Variants in ADAM9 observed in about 807,000 individuals in gnomAD.
ADAM9 encodes disintegrin and metalloproteinase domain-containing protein 9.
Under a neutral mutation model 108.1 loss-of-function variants are expected in ADAM9, and 54 were observed. The observed-to-expected ratio is 0.50, with a 90% CI of 0.40 to 0.63. The LOEUF (loss-of-function observed/expected upper bound fraction) is 0.63, where lower values mean the gene tolerates loss of function less well. ADAM9 is among the 20% of genes least tolerant of loss of function. The pLI, the probability that ADAM9 is intolerant of heterozygous loss-of-function variation, is 0.00. For synonymous variants in ADAM9, 316 were observed against 336.0 expected (o/e 0.94, Z 0.65); for missense variants, 830 against 997.7 (o/e 0.83, Z 2.26).
intron 12 of ADAM9, among the ~76,000 whole-genome samples, chr8:39,046,722 A>G (rs921976774): frequency 2.6e-5 from 4 of 151,628 alleles, no homozygotes; most frequent in African/African-American, 7.3e-5. Context: ...TGATCATGCT[A>G]TTTTTATCCT....
intron 15 of ADAM9, 122 bp from the exon 16 acceptor site, chr8:39,077,106 A>G (rs1838872426): frequency 1.8e-6 from 2 of 1,102,504 alleles, no homozygotes; most frequent in South Asian, 2.7e-5. Context: ...GCTCTCATAC[A>G]CTTTCTCTGT....
chr8:39,065,810 G>C (rs1183723050), intron 14 of ADAM9, among the ~76,000 whole-genome samples: 1 of 151,180 alleles, frequency 6.6e-6, no homozygotes, highest in Admixed American at 6.6e-5. Flanking sequence ...GTGCAGGTTT[G>C]TCACATATGT....
In ADAM9 at chr8:39,023,264, G is replaced by A. The variant is rs778356738; in HGVS notation, c.853G>A (p.Val285Met). Residue 285 changes from valine (V) to methionine (M), a missense_variant, in exon 9 of 22, where the codon GTG becomes ATG. By Grantham distance (21) the Val-to-Met change is conservative. Around this residue, in one of 3 missense-constraint regions of ADAM9, gnomAD observed 381 missense variants for 539.8 expected, o/e 0.71. Transcript: ENST00000487273. ...GGAGDVLGNF[V>M]QWREKFLITR... The stretch of plus-strand genomic sequence containing the variant: ...TGCTGGTGATGTGCTGGGGAACTTC[G>A]TGCAGTGGCGGGAAAAGTTTCTTAT... 10 of 1,613,486 alleles carry A rather than the reference G, an allele frequency of 6.2e-6. No individual in the cohort carries two copies. Among genetic ancestry groups the A allele is most frequent in the Admixed American group, 1.7e-5 (1 of 59,974 alleles).
chr8:39,091,211 A>G (rs767770829), intron 19 of ADAM9, 48 bp from the exon 20 acceptor site: 4 of 1,532,890 alleles, frequency 2.6e-6, no homozygotes, highest in Middle Eastern at 1.7e-4. Context: ...TATTTCATGT[A>G]GAAATGTTTT....
chr8:39,008,637 ATAAT>A (rs1210937405), intron 2 of ADAM9, among the ~76,000 whole-genome samples: 2 of 152,192 alleles, frequency 1.3e-5, no homozygotes, highest in African/African-American at 4.8e-5. Context: ...AATTCTTACT[ATAAT>A]TATATAACCT....
At chr8:39,009,236 G>A (rs1836266069) in intron 2 of ADAM9, among the ~76,000 whole-genome samples, 1 of 152,124 alleles carries the variant, frequency 6.6e-6, no homozygotes, top group African/African-American at 2.4e-5. Context: ...GTTTGAACTG[G>A]GCAGACTACC....
At chr8:39,070,621 G>A (rs184843541) in intron 14 of ADAM9, among the ~76,000 whole-genome samples, 1 of 152,228 alleles carries the variant, frequency 6.6e-6, no homozygotes, top group East Asian at 1.9e-4. Flanking sequence ...AGCCAAGCAT[G>A]GTGGCGTGTA....
rs906737456 is a variant in ADAM9, at chr8:39,104,963, A to G, written c.*1263A>G. On this transcript the variant is annotated 3_prime_UTR_variant, in exon 22 of 22. Coordinates refer to ENST00000487273, the MANE Select transcript of ADAM9 (RefSeq NM_003816.3). ...TGGTTTGTGTATATATACATATACAAATACAACATTTACAATAAATAAAAT... is the reference window on the plus strand; with the variant it reads ...TGGTTTGTGTATATATACATATACAGATACAACATTTACAATAAATAAAAT... 7.0e-6 allele frequency: 3 copies of G among 426,802 alleles called. 1 individual carries two copies. Among genetic ancestry groups the G allele is most frequent in the Middle Eastern group, 1.6e-3 (2 of 1,286 alleles). The allele number at this position is 426,802 out of a possible 1,614,324, so 26.4% of individuals were successfully genotyped here. A position where few individuals can be genotyped will look rare whatever the true frequency, so the allele number is the denominator to read the frequency against.
Position 39,007,824 on chromosome 8 carries a change from T to G in ADAM9, c.98-62T>G, listed in dbSNP as rs1038953515. On this transcript the variant is annotated intron_variant, in intron 1 of 21. Transcript: ENST00000487273. ...ATTTGAACATTTTGATTTTTCATTA[T>G]ATTGTGTTCCCACGTAGTTTTTCAG... The G allele has an allele frequency of 4.4e-6, 5 of 1,127,864 alleles. No homozygotes were observed. In the African/African-American group the frequency reaches 4.6e-5, roughly 10 times the overall value. 69.9% of individuals were successfully genotyped at this position (1,127,864 alleles called of 1,614,324 possible).
In ADAM9 at chr8:39,104,602, C is replaced by T. The variant is rs1839807319; in HGVS notation, c.*902C>T. On this transcript the variant is annotated 3_prime_UTR_variant, in exon 22 of 22. Coordinates refer to ENST00000487273, the MANE Select transcript of ADAM9 (RefSeq NM_003816.3). Reference sequence around the variant, plus strand: ...AAACCACTTGAGAATTTCATGAGCACTTTAAAATCTGAACTTTCAAAGCTT... The same window carrying T: ...AAACCACTTGAGAATTTCATGAGCATTTTAAAATCTGAACTTTCAAAGCTT... 4.7e-6 allele frequency: 2 copies of T among 425,416 alleles called. No homozygotes were observed. Among genetic ancestry groups the T allele is most frequent in the South Asian group, 1.7e-5 (1 of 57,972 alleles). The allele number at this position is 425,416 out of a possible 1,614,324, so 26.4% of individuals were successfully genotyped here.
rs1390580051 is a variant in ADAM9 at position 39,044,990 on chromosome 8, GTGTGTGCACACATACCTATGTATGTGTA to G, written c.1302+2880_1302+2907del. The stretch of plus-strand genomic sequence containing the variant: ...CACACATACCTATGTATGTGTATAT[GTGTGTGCACACATACCTATGTATGTGTA>G]TGTGTGTGTGCATACATACATATGT... On this transcript the variant is annotated intron_variant, in intron 12 of 21. Transcript: ENST00000487273. Among the ~76,000 whole-genome samples the G allele has an allele frequency of 2.8e-4, 41 of 147,584 alleles. No homozygotes were observed. The East Asian group carries it at 4.2e-3, about 15-fold the overall frequency.
At chr8:39,030,113 CAAAGTCCAT>C (rs1303000843) in intron 11 of ADAM9, among the ~76,000 whole-genome samples, 1 of 152,118 alleles carries the variant, frequency 6.6e-6, no homozygotes, top group African/African-American at 2.4e-5. Context: ...CATGATTTCT[CAAAGTCCAT>C]ACTTTATGGT....
intron 3 of ADAM9, among the ~76,000 whole-genome samples, chr8:39,013,462 C>A (rs1836423519): frequency 6.7e-6 from 1 of 149,744 alleles, no homozygotes; most frequent in African/African-American, 2.5e-5. Flanking sequence ...AAGTAATGTA[C>A]ACTATTTCAG....
chr8:39,017,141 G>A (rs890966011), intron 5 of ADAM9, 78 bp from the exon 6 acceptor site: 5 of 1,456,606 alleles, frequency 3.4e-6, no homozygotes, highest in East Asian at 4.6e-5. Flanking sequence ...TTAAGAATTA[G>A]GACTTGAACT....
At chr8:39,080,802 C>T (rs929930921) in intron 16 of ADAM9, among the ~76,000 whole-genome samples, 1 of 152,024 alleles carries the variant, frequency 6.6e-6, no homozygotes, top group African/African-American at 2.4e-5. Context: ...ATTTTGCTCC[C>T]CACTTGCATC....
At position 38,997,127 on chromosome 8, in the gene ADAM9, C is replaced by T. The variant is rs1419853053; in HGVS notation, c.64C>T (p.Leu22=). ...LRVRWLLLLG[L]VGPVLGAARP... ...TGTCCGGTGGTTGCTGTTGCTTGGC[C>T]TGGTGGGCCCAGTCCTCGGTGCGGC... is the stretch of plus-strand genomic sequence containing the variant. The change falls in exon 1 of 22, where the codon CTG becomes TTG. Residue 22 remains leucine, a synonymous_variant. Coordinates refer to ENST00000487273, the MANE Select transcript of ADAM9 (RefSeq NM_003816.3). 1.2e-6 allele frequency: 2 copies of T among 1,604,032 alleles called. No homozygotes were observed. The highest frequency in any genetic ancestry group is 8.5e-7 in the Non-Finnish European group (1 of 1,179,486).
At chr8:39,033,757 A>G (rs1837178076) in intron 11 of ADAM9, among the ~76,000 whole-genome samples, 1 of 151,934 alleles carries the variant, frequency 6.6e-6, no homozygotes, top group African/African-American at 2.4e-5. Flanking sequence ...TTATTTAAAT[A>G]TGGAAAGAAT....
At chr8:39,017,764 A>AT (rs1238173073) in intron 6 of ADAM9, among the ~76,000 whole-genome samples, 1 of 152,014 alleles carries the variant, frequency 6.6e-6, no homozygotes, top group African/African-American at 2.4e-5. Flanking sequence ...CTAATTTAAA[A>AT]CAACTTTTTG....
intron 11 of ADAM9, among the ~76,000 whole-genome samples, chr8:39,029,832 C>A (rs924836698): frequency 2.6e-5 from 4 of 152,220 alleles, no homozygotes; most frequent in Middle Eastern, 3.4e-3. Flanking sequence ...TATTGACTTA[C>A]AATTTTCTTT....
Sources: gnomAD v4.1 joint callset for allele counts (sites outside exome capture counted in the v4.1 genomes callset) on GRCh38, gnomAD v4.1.1 for gene constraint, gnomAD v4.1.1 regional missense constraint, MANE v1.5 for transcripts, NCBI Gene and HGNC (gene_info 2026-07-23, HGNC 2026-07-21) for gene names.